AGL: variants seen among roughly 807,000 people sequenced by gnomAD.
AGL encodes the protein glycogen debranching enzyme.
A neutral mutation model predicts 199.3 loss-of-function variants in AGL; 128 were observed. That is an observed-to-expected ratio of 0.64 (90% confidence interval 0.56 to 0.74). The LOEUF is 0.74. AGL is among the 30% of genes least tolerant of loss of function. AGL has a pLI of 0.00. For synonymous variants in AGL, 584 were observed against 594.7 expected (o/e 0.98, Z 0.26); for missense variants, 1,809 against 1,820.8 (o/e 0.99, Z 0.12).
At chr1:99,859,899 T>C (rs767798809) in intron 2 of AGL, among the ~76,000 whole-genome samples, 6 of 152,234 alleles carry the variant, frequency 3.9e-5, no homozygotes, top group Non-Finnish European at 8.8e-5. Context: ...CTTGTAGATT[T>C]ACCATAATTT....
intron 2 of AGL, among the ~76,000 whole-genome samples, chr1:99,857,014 G>A (rs1032443718): frequency 1.8e-4 from 28 of 151,448 alleles, no homozygotes; most frequent in Non-Finnish European, 3.1e-4. Context: ...CAGTAGGGGC[G>A]GCCAGGCAGA....
chr1:99,889,063 T>G (rs987797024), intron 21 of AGL, among the ~76,000 whole-genome samples: 2 of 146,884 alleles, frequency 1.4e-5, no homozygotes, highest in Admixed American at 7.0e-5. Context: ...TTTTATAACC[T>G]GAAGTAAATG....
At position 99,851,082 on chromosome 1, in the gene AGL, G is replaced by A. The variant is rs749411087; in HGVS notation, c.40G>A (p.Glu14Lys). Residue 14 changes from glutamate (E) to lysine (K), a missense_variant, in exon 2 of 34, where the codon GAA becomes AAA. Glu to Lys is a moderately conservative substitution (Grantham distance 56). Coordinates refer to ENST00000361915, the MANE Select transcript of AGL (RefSeq NM_000642.3). ...SKQIRILLLN[E>K]MEKLEKTLFR... ...ACAGATTCGAATTTTACTTCTGAAC[G>A]AAATGGAGAAACTGGAAAAGACCCT... The A allele has an allele frequency of 5.0e-6, 8 of 1,614,078 alleles. No homozygotes were observed. Among genetic ancestry groups the A allele is most frequent in the Non-Finnish European group, 6.8e-6 (8 of 1,179,972 alleles).
intron 27 of AGL, among the ~76,000 whole-genome samples, chr1:99,907,686 G>GTTTTTTTTTTTTTTTTTTTTTTTTTTT (rs1238445536): frequency 8.4e-5 from 5 of 59,880 alleles, no homozygotes; most frequent in African/African-American, 2.3e-4. Context: ...GTTTGTTTTT[G>GTTTTTTTTTTTTTTTTTTTTTTTTTTT]TTTTTTGTTT....
At chr1:99,896,223 A>G in intron 24 of AGL, 63 bp from the exon 25 acceptor site, 1 of 1,326,928 alleles carries the variant, frequency 7.5e-7, no homozygotes, top group Non-Finnish European at 1.1e-6. Flanking sequence ...ATAGTAATGG[A>G]GTTCATAGGT....
intron 25 of AGL, among the ~76,000 whole-genome samples, chr1:99,897,160 A>G (rs1653395153): frequency 6.6e-6 from 1 of 152,116 alleles, no homozygotes; most frequent in African/African-American, 2.4e-5. Flanking sequence ...GAATGAACTT[A>G]TTGGAGGTCG....
intron 17 of AGL, among the ~76,000 whole-genome samples, chr1:99,882,959 A>C (rs747764233): frequency 2.0e-5 from 3 of 152,170 alleles, no homozygotes; most frequent in Non-Finnish European, 4.4e-5. Flanking sequence ...CTTTGCTAAT[A>C]TACGTATTCA....
In AGL at chr1:99,888,072, C is replaced by G. The variant is rs1474564669; in HGVS notation, c.2776C>G (p.Pro926Ala). ...AGATGGTGGAGGGTGCTATGACATA[C>G]CAAACTGGTCAGCCCTTAAATATGC... ...KEDGGGCYDIPNWSALKYAGL... is the reference protein window; with the variant it reads ...KEDGGGCYDIANWSALKYAGL... The change falls in exon 21 of 34, where the codon CCA becomes GCA. Residue 926 changes from proline to alanine, a missense_variant. Coordinates refer to ENST00000361915, the MANE Select transcript of AGL (RefSeq NM_000642.3). The G allele has an allele frequency of 6.2e-7, 1 of 1,613,408 alleles. No homozygotes were observed. Among genetic ancestry groups the G allele is most frequent in the Non-Finnish European group, 8.5e-7 (1 of 1,179,646 alleles).
intron 4 of AGL, among the ~76,000 whole-genome samples, chr1:99,862,877 CT>C (rs1403916757): frequency 3.3e-5 from 5 of 152,068 alleles, no homozygotes; most frequent in Non-Finnish European, 7.3e-5. Context: ...CAAACCATAT[CT>C]TTTTGCCTCT....
chr1:99,865,198 A>G (rs889813083), intron 5 of AGL, among the ~76,000 whole-genome samples: 5 of 152,270 alleles, frequency 3.3e-5, no homozygotes, highest in East Asian at 1.9e-4. Context: ...CATACTATCT[A>G]TAGTTTTACA....
Position 99,881,287 on chromosome 1 carries a change from T to C in AGL, c.2002-5T>C, listed in dbSNP as rs201718705. On this transcript the variant is annotated splice_region_variant and splice_polypyrimidine_tract_variant and intron_variant, in intron 15 of 33. Coordinates refer to ENST00000361915, the MANE Select transcript of AGL (RefSeq NM_000642.3). Reference sequence around the variant, plus strand: ...GTATCCATGCTAAATTTTACCTTTGTCCAGATTTCAGTGGTTTCTGAAGAA... The same window carrying C: ...GTATCCATGCTAAATTTTACCTTTGCCCAGATTTCAGTGGTTTCTGAAGAA... 1.2e-6 allele frequency: 2 copies of C among 1,613,978 alleles called. No individual in the cohort carries two copies. The highest frequency in any genetic ancestry group is 1.3e-5 in the African/African-American group (1 of 74,928).
intron 7 of AGL, among the ~76,000 whole-genome samples, chr1:99,871,999 A>C (rs1217136047): frequency 1.3e-5 from 2 of 151,862 alleles, no homozygotes; most frequent in African/African-American, 4.8e-5. Flanking sequence ...TTTTATATTT[A>C]TTTTTATTTT....
intron 21 of AGL, among the ~76,000 whole-genome samples, chr1:99,888,777 T>G (rs1243018194): frequency 6.6e-6 from 1 of 152,192 alleles, no homozygotes; most frequent in Non-Finnish European, 1.5e-5. Flanking sequence ...TTTTCACTTA[T>G]GCCTTTTGTT....
At chr1:99,860,759 G>T (rs1381585448) in intron 2 of AGL, among the ~76,000 whole-genome samples, 1 of 152,170 alleles carries the variant, frequency 6.6e-6, no homozygotes, top group Non-Finnish European at 1.5e-5. Context: ...AGAGCTGATT[G>T]TGCACATCCC....
At chr1:99,864,888 A>C (rs1221401944) in intron 5 of AGL, among the ~76,000 whole-genome samples, 1 of 152,242 alleles carries the variant, frequency 6.6e-6, no homozygotes, top group Admixed American at 6.5e-5. Flanking sequence ...CTTACAGTAC[A>C]GTAGTCCCCC....
In AGL at chr1:99,923,186, T is replaced by C. The variant is rs1430726848; in HGVS notation, c.*1535T>C. Reference sequence around the variant, plus strand: ...TTGTGACAGTAATCTGACCACTATCTATAAATACATTGGACATTGGTTTCC... The same window carrying C: ...TTGTGACAGTAATCTGACCACTATCCATAAATACATTGGACATTGGTTTCC... On this transcript the variant is annotated 3_prime_UTR_variant, in exon 34 of 34. Coordinates refer to ENST00000361915, the MANE Select transcript of AGL (RefSeq NM_000642.3). 1 of 152,184 alleles carries C rather than the reference T, an allele frequency of 6.6e-6. No individual in the cohort carries two copies. The highest frequency in any genetic ancestry group is 1.5e-5 in the Non-Finnish European group (1 of 67,994). The allele number at this position is 152,184 out of a possible 1,614,324, so 9.4% of individuals were successfully genotyped here.
chr1:99,860,630 A>G (rs1043611234), intron 2 of AGL, among the ~76,000 whole-genome samples: 1 of 152,210 alleles, frequency 6.6e-6, no homozygotes, highest in African/African-American at 2.4e-5. Flanking sequence ...AAAATAACCT[A>G]ACTTGGGCAA....
intron 2 of AGL, among the ~76,000 whole-genome samples, chr1:99,856,326 T>A (rs6674610): frequency 0.37 from 18,032 of 48,912 alleles, 1,763 homozygotes; most frequent in Middle Eastern, 0.44. Flanking sequence ...CTCCCTTCCT[T>A]CCTCCCTCCC....
chr1:99,920,236 T>C (rs576684154), intron 33 of AGL, among the ~76,000 whole-genome samples: 61 of 152,344 alleles, frequency 4.0e-4, no homozygotes, highest in African/African-American at 1.4e-3. Flanking sequence ...CTCACAGTTC[T>C]GGAGGCCAGA....
Sources: gnomAD v4.1 joint callset for allele counts (sites outside exome capture counted in the v4.1 genomes callset) on GRCh38, gnomAD v4.1.1 for gene constraint, MANE v1.5 for transcripts, NCBI Gene and HGNC (gene_info 2026-07-23, HGNC 2026-07-21) for gene names.